SMYD3: variants seen among roughly 807,000 people sequenced by gnomAD.
SMYD3 encodes histone-lysine N-methyltransferase SMYD3.
A neutral mutation model predicts 57.7 loss-of-function variants in SMYD3; 36 were observed. The ratio of observed to expected loss-of-function variants is 0.62; its 90% CI spans 0.48 to 0.82. The LOEUF is 0.82. Among genes scored for constraint, SMYD3 ranks in the 40% least tolerant of loss-of-function variants. The probability of loss-of-function intolerance (pLI) is 0.00; values close to 1 mark genes in which losing one functional copy is unlikely to be tolerated. For synonymous variants in SMYD3, 211 were observed against 195.0 expected (o/e 1.08, Z -0.68); for missense variants, 515 against 538.8 (o/e 0.96, Z 0.44).
chr1:246,506,419 C>T (rs2068538958), intron 1 of SMYD3, among the ~76,000 whole-genome samples: 1 of 152,198 alleles, frequency 6.6e-6, no homozygotes, highest in Admixed American at 6.5e-5. Flanking sequence ...GTCTGATGCT[C>T]CCACAGCACA....
At chr1:246,356,321 C>T (rs1212745211) in intron 1 of SMYD3, among the ~76,000 whole-genome samples, 1 of 152,162 alleles carries the variant, frequency 6.6e-6, no homozygotes, top group East Asian at 1.9e-4. Flanking sequence ...TGTCTCCCCT[C>T]TGACACAGTC....
intron 5 of SMYD3, among the ~76,000 whole-genome samples, chr1:245,951,187 G>A (rs1267792363): frequency 6.6e-6 from 1 of 152,006 alleles, no homozygotes; most frequent in Non-Finnish European, 1.5e-5. Context: ...TAAAATACCA[G>A]CGGAGTCCAC....
At position 246,156,483 on chromosome 1, in the gene SMYD3, T is replaced by C. The variant is rs76521091; in HGVS notation, c.531+170718A>G. Among the ~76,000 whole-genome samples the C allele has an allele frequency of 2.3e-4, 35 of 152,324 alleles. No homozygotes were observed. In the East Asian group the frequency reaches 4.6e-3, roughly 20 times the overall value. ...TAAGAACATATTTTCCCCATAAAAA[T>C]AAGTTCTATATCATGGTTATGATCC... On this transcript the variant is annotated intron_variant, in intron 5 of 11. Transcript: ENST00000490107.
intron 5 of SMYD3, among the ~76,000 whole-genome samples, chr1:246,252,770 G>A (rs1018238347): frequency 1.3e-5 from 2 of 152,084 alleles, no homozygotes; most frequent in Non-Finnish European, 2.9e-5. Flanking sequence ...TATAGACTAT[G>A]TCTGAAATAG....
intron 5 of SMYD3, among the ~76,000 whole-genome samples, chr1:245,971,730 G>A (rs1178929496): frequency 1.3e-5 from 2 of 152,068 alleles, no homozygotes; most frequent in African/African-American, 4.8e-5. Context: ...TGGTTGGTGG[G>A]TTTATTTTTT....
chr1:246,039,111 C>T (rs1445640120), intron 5 of SMYD3, among the ~76,000 whole-genome samples: 1 of 152,134 alleles, frequency 6.6e-6, no homozygotes, highest in Non-Finnish European at 1.5e-5. Flanking sequence ...AGGAACAAAA[C>T]ATAGACCGTG....
intron 5 of SMYD3, among the ~76,000 whole-genome samples, chr1:246,066,229 A>C (rs2148367989): frequency 6.6e-6 from 1 of 152,342 alleles, no homozygotes; most frequent in South Asian, 2.1e-4. Flanking sequence ...AGTTCAACTC[A>C]TCTCAAGTAC....
At chr1:246,497,538 C>G (rs573146865) in intron 1 of SMYD3, among the ~76,000 whole-genome samples, 2 of 152,270 alleles carry the variant, frequency 1.3e-5, no homozygotes, top group South Asian at 4.1e-4. Flanking sequence ...ATGGGGAACT[C>G]CCAGATAGAA....
chr1:245,770,891 G>T (rs561117955), intron 10 of SMYD3, among the ~76,000 whole-genome samples: 1 of 152,226 alleles, frequency 6.6e-6, no homozygotes, highest in East Asian at 1.9e-4. Context: ...CAGAGCTGAG[G>T]AAAGAATTAG....
chr1:246,496,628 G>A lies in SMYD3; in HGVS notation c.164+10426C>T, dbSNP rs536107303. ...GAATTGCTTGAGCCCAGGAGTTCAA[G>A]ACCAGGCTGGGCAACATGGTGAAAC... On this transcript the variant is annotated intron_variant, in intron 1 of 11. Transcript: ENST00000490107. Among the ~76,000 whole-genome samples the A allele has an allele frequency of 3.9e-5, 6 of 152,208 alleles. No homozygotes were observed. The South Asian group carries it at 1.2e-3, about 32-fold the overall frequency.
At position 246,022,005 on chromosome 1, in the gene SMYD3, T is replaced by A. The variant is rs1357972390; in HGVS notation, c.532-92068A>T. The stretch of plus-strand genomic sequence containing the variant: ...TCTCCTAGGTTAAGAGGGACACTGA[T>A]CGCTGGAAACATGAACATCCACAGC... On this transcript the variant is annotated intron_variant, in intron 5 of 11. Coordinates refer to ENST00000490107, the MANE Select transcript of SMYD3 (RefSeq NM_001167740.2). Among the ~76,000 whole-genome samples, 4 of 152,314 alleles carry A rather than the reference T, an allele frequency of 2.6e-5. No individual in the cohort carries two copies. The East Asian group carries it at 5.8e-4, about 22-fold the overall frequency.
intron 10 of SMYD3, among the ~76,000 whole-genome samples, chr1:245,811,640 C>G (rs1411073986): frequency 6.6e-6 from 1 of 152,144 alleles, no homozygotes; most frequent in Non-Finnish European, 1.5e-5. Flanking sequence ...CTCTACCAGA[C>G]ACATAAAAAT....
chr1:246,017,389 C>T (rs1030992895), intron 5 of SMYD3, among the ~76,000 whole-genome samples: 1 of 152,158 alleles, frequency 6.6e-6, no homozygotes, highest in African/African-American at 2.4e-5. Context: ...CCAATCATTC[C>T]ACCATGATCC....
chr1:246,315,843 G>A (rs2065146974), intron 5 of SMYD3, among the ~76,000 whole-genome samples: 2 of 152,126 alleles, frequency 1.3e-5, no homozygotes, highest in Middle Eastern at 3.2e-3. Flanking sequence ...CTGGTTTGGC[G>A]AAGCCATCCC....
In SMYD3 at chr1:246,057,658, G is replaced by A. The variant is rs114153582; in HGVS notation, c.532-127721C>T. 7.2e-3 allele frequency among the ~76,000 whole-genome samples: 1,089 copies of A among 152,284 alleles called. 10 individuals are homozygous for A. The highest frequency in any genetic ancestry group is 0.033 in the South Asian group (161 of 4,822). On this transcript the variant is annotated intron_variant, in intron 5 of 11. Coordinates refer to ENST00000490107, the MANE Select transcript of SMYD3 (RefSeq NM_001167740.2). The stretch of plus-strand genomic sequence containing the variant: ...ACTCTCGTTCACTGCTGATGGGAAC[G>A]CAAAATGGTACAGCCACTTGGGAAG...
At chr1:246,015,744 C>G (rs146828366) in intron 5 of SMYD3, among the ~76,000 whole-genome samples, 9 of 152,304 alleles carry the variant, frequency 5.9e-5, no homozygotes, top group African/African-American at 2.2e-4. Flanking sequence ...AAGGTTCACC[C>G]ATGTTATAGC....
intron 5 of SMYD3, among the ~76,000 whole-genome samples, chr1:245,983,481 C>A (rs1022590697): frequency 6.6e-6 from 1 of 152,194 alleles, no homozygotes; most frequent in African/African-American, 2.4e-5. Context: ...CCCTGGGACC[C>A]ACGACCAGAT....
At chr1:246,405,379 C>T (rs2066844522) in intron 1 of SMYD3, among the ~76,000 whole-genome samples, 1 of 152,148 alleles carries the variant, frequency 6.6e-6, no homozygotes, top group African/African-American at 2.4e-5. Flanking sequence ...GCCTTTCTAG[C>T]TACTGGAAAA....
At chr1:245,850,215 C>T (rs2050893503) in intron 10 of SMYD3, among the ~76,000 whole-genome samples, 1 of 152,154 alleles carries the variant, frequency 6.6e-6, no homozygotes, top group African/African-American at 2.4e-5. Context: ...GGCTCCACCC[C>T]ACACGGTCCT....
Sources: gnomAD v4.1 joint callset for allele counts (sites outside exome capture counted in the v4.1 genomes callset) on GRCh38, gnomAD v4.1.1 for gene constraint, MANE v1.5 for transcripts, NCBI Gene and HGNC (gene_info 2026-07-23, HGNC 2026-07-21) for gene names.